PLCB4: variants seen among roughly 807,000 people sequenced by gnomAD.
The protein encoded by PLCB4 is phospholipase C beta 4.
A neutral mutation model predicts 178.8 loss-of-function variants in PLCB4; 77 were observed. That is an observed-to-expected ratio of 0.43 (90% CI 0.36 to 0.52). PLCB4 has a LOEUF of 0.52. PLCB4 is among the 20% of genes least tolerant of loss of function. The probability of loss-of-function intolerance (pLI) is 0.00; values close to 1 mark genes in which losing one functional copy is unlikely to be tolerated. For missense variants in PLCB4, 1,024 were observed against 1,453.4 expected (o/e 0.70, Z 4.80); for synonymous variants, 496 against 490.8 (o/e 1.01, Z -0.14).
chr20:9,151,810 G>GTA (rs2092696937), intron 2 of PLCB4, among the ~76,000 whole-genome samples: 1 of 152,124 alleles, frequency 6.6e-6, no homozygotes, highest in Non-Finnish European at 1.5e-5. Flanking sequence ...CAGTTTGAAG[G>GTA]GCTCAGAAGA....
intron 3 of PLCB4, among the ~76,000 whole-genome samples, chr20:9,293,664 A>G (rs1214177939): frequency 5.0e-5 from 5 of 100,396 alleles, no homozygotes. Flanking sequence ...GTTTACTGCT[A>G]TATGCTGGAC....
At chr20:9,265,187 A>G (rs2094336854) in intron 3 of PLCB4, among the ~76,000 whole-genome samples, 1 of 152,142 alleles carries the variant, frequency 6.6e-6, no homozygotes, top group Non-Finnish European at 1.5e-5. Context: ...ACTTGAAAAG[A>G]TGACGAGGCT....
intron 17 of PLCB4, among the ~76,000 whole-genome samples, chr20:9,392,809 A>T (rs2038250803): frequency 6.6e-6 from 1 of 150,792 alleles, no homozygotes; most frequent in Non-Finnish European, 1.5e-5. Flanking sequence ...AAAGGGTTTT[A>T]TTTGAGGCAA....
intron 2 of PLCB4, among the ~76,000 whole-genome samples, chr20:9,115,508 A>G (rs1600509937): frequency 6.6e-6 from 1 of 150,528 alleles, no homozygotes; most frequent in South Asian, 2.1e-4. Context: ...TACATGTGCC[A>G]TGTTGTTGTG....
chr20:9,438,241 C>T (rs1389816016), intron 30 of PLCB4, among the ~76,000 whole-genome samples: 1 of 152,112 alleles, frequency 6.6e-6, no homozygotes, highest in Non-Finnish European at 1.5e-5. Flanking sequence ...TGGCGAGCCC[C>T]TGTAGTCCCA....
At chr20:9,092,956 G>T (rs892253235) in intron 1 of PLCB4, among the ~76,000 whole-genome samples, 1 of 152,078 alleles carries the variant, frequency 6.6e-6, no homozygotes, top group South Asian at 2.1e-4. Flanking sequence ...ATATTGGCTC[G>T]TAACGCTATA....
intron 3 of PLCB4, among the ~76,000 whole-genome samples, chr20:9,254,748 C>A (rs1050345071): frequency 2.0e-5 from 3 of 152,094 alleles, no homozygotes; most frequent in Admixed American, 6.6e-5. Flanking sequence ...TAATTATTCT[C>A]TAATATTTAT....
intron 13 of PLCB4, among the ~76,000 whole-genome samples, chr20:9,382,561 C>T (rs1414667460): frequency 6.6e-6 from 1 of 152,186 alleles, no homozygotes; most frequent in East Asian, 1.9e-4. Context: ...ATGATGTTGG[C>T]ACGCATACAT....
At chr20:9,145,506 G>C (rs898642956) in intron 2 of PLCB4, among the ~76,000 whole-genome samples, 2 of 148,624 alleles carry the variant, frequency 1.3e-5, no homozygotes, top group Non-Finnish European at 3.0e-5. Flanking sequence ...AATTATCAAA[G>C]TTCTTTTTTT....
chr20:9,274,379 C>T (rs755298054), intron 3 of PLCB4, among the ~76,000 whole-genome samples: 9 of 151,818 alleles, frequency 5.9e-5, no homozygotes, highest in African/African-American at 1.2e-4. Flanking sequence ...TTTAAGTTGC[C>T]GTAAAAAAGA....
At chr20:9,184,444 T>C (rs768262227) in intron 2 of PLCB4, among the ~76,000 whole-genome samples, 10 of 152,160 alleles carry the variant, frequency 6.6e-5, no homozygotes, top group African/African-American at 7.2e-5. Flanking sequence ...GTGATGTCAT[T>C]GCAGGTGCTC....
chr20:9,408,997 T>A, intron 23 of PLCB4, 60 bp from the exon 24 acceptor site: 1 of 1,513,490 alleles, frequency 6.6e-7, no homozygotes, highest in South Asian at 1.2e-5. Flanking sequence ...TTTAGCTCTT[T>A]GTTGTTTATT....
intron 36 of PLCB4, among the ~76,000 whole-genome samples, chr20:9,471,405 A>AAGAGAG (rs1184733344): frequency 6.6e-6 from 1 of 152,186 alleles, no homozygotes; most frequent in South Asian, 2.1e-4. Flanking sequence ...AAGACTAAAG[A>AAGAGAG]AGAGAGAGAA....
At chr20:9,373,687 T>C (rs185650174) in intron 12 of PLCB4, among the ~76,000 whole-genome samples, 62 of 152,348 alleles carry the variant, frequency 4.1e-4, no homozygotes, top group African/African-American at 1.4e-3. Flanking sequence ...TACTTTTTCT[T>C]TTTATAACAA....
intron 8 of PLCB4, among the ~76,000 whole-genome samples, chr20:9,363,417 C>T (rs542537055): frequency 1.3e-5 from 2 of 152,300 alleles, no homozygotes; most frequent in Non-Finnish European, 2.9e-5. Flanking sequence ...GCCTCAGCCC[C>T]AAGTGCAGTG....
intron 4 of PLCB4, among the ~76,000 whole-genome samples, chr20:9,316,274 G>A (rs967003955): frequency 6.6e-6 from 1 of 152,132 alleles, no homozygotes; most frequent in Non-Finnish European, 1.5e-5. Context: ...TGGCCCAGGC[G>A]TATGTGCATT....
chr20:9,174,309 T>C (rs943605358), intron 2 of PLCB4, among the ~76,000 whole-genome samples: 1 of 151,902 alleles, frequency 6.6e-6, no homozygotes, highest in Non-Finnish European at 1.5e-5. Context: ...GCTAATTTTT[T>C]TTTTATTTTT....
chr20:9,245,374 T>A (rs989472651), intron 3 of PLCB4, among the ~76,000 whole-genome samples: 9 of 152,244 alleles, frequency 5.9e-5, no homozygotes, highest in African/African-American at 1.9e-4. Flanking sequence ...CCATGTCAAA[T>A]CCCTGGAATC....
intron 2 of PLCB4, among the ~76,000 whole-genome samples, chr20:9,212,856 G>C (rs967506363): frequency 6.6e-6 from 1 of 152,108 alleles, no homozygotes; most frequent in Non-Finnish European, 1.5e-5. Context: ...CTGCTTTCAT[G>C]AAGTATAATT....
Sources: gnomAD v4.1 joint callset for allele counts (sites outside exome capture counted in the v4.1 genomes callset) on GRCh38, gnomAD v4.1.1 for gene constraint, MANE v1.5 for transcripts, NCBI Gene and HGNC (gene_info 2026-07-23, HGNC 2026-07-21) for gene names.